Variants in USP54 observed in about 807,000 individuals in gnomAD.
USP54 encodes the protein ubiquitin carboxyl-terminal hydrolase 54.
A neutral mutation model predicts 170.5 loss-of-function variants in USP54; 87 were observed. The ratio of observed to expected loss-of-function variants is 0.51; its 90% CI spans 0.43 to 0.61. The LOEUF (loss-of-function observed/expected upper bound fraction) is 0.61, where lower values mean the gene tolerates loss of function less well. Ranked by LOEUF, USP54 falls within the 20% of genes least tolerant of loss-of-function variation. The probability of loss-of-function intolerance (pLI) is 0.00; values close to 1 mark genes in which losing one functional copy is unlikely to be tolerated. For synonymous variants in USP54, 655 were observed against 742.8 expected (o/e 0.88, Z 1.92); for missense variants, 1,786 against 2,047.8 (o/e 0.87, Z 2.47).
At chr10:73,511,472 C>T (rs992169307) in intron 20 of USP54, among the ~76,000 whole-genome samples, 1 of 151,634 alleles carries the variant, frequency 6.6e-6, no homozygotes, top group African/African-American at 2.4e-5. Flanking sequence ...CCAGCCTGGG[C>T]AACATGGTGA....
At chr10:73,525,252 A>G (rs1459814362) in intron 16 of USP54, among the ~76,000 whole-genome samples, 2 of 152,208 alleles carry the variant, frequency 1.3e-5, no homozygotes, top group African/African-American at 4.8e-5. Context: ...CAGATTATTG[A>G]ATTACTGGAC....
chr10:73,516,281 A>G (rs2061064922), intron 20 of USP54, 94 bp downstream of exon 20: 1 of 1,306,034 alleles, frequency 7.7e-7, no homozygotes, highest in African/African-American at 1.5e-5. Context: ...AGCTGGGGAT[A>G]GTATCTGTAT....
intron 7 of USP54, 140 bp downstream of exon 7, chr10:73,542,663 G>A (rs1170803095): frequency 1.1e-5 from 8 of 743,550 alleles, no homozygotes; most frequent in East Asian, 5.5e-5. Context: ...CCCAGGAGGC[G>A]GAGGTTGCAG....
At chr10:73,588,884 A>C (rs989872522) in intron 1 of USP54, among the ~76,000 whole-genome samples, 23 of 152,294 alleles carry the variant, frequency 1.5e-4, no homozygotes, top group African/African-American at 5.5e-4. Flanking sequence ...CACTGAGCAA[A>C]CCTATTTGAA....
At chr10:73,592,313 G>A (rs2078328639), upstream of USP54, among the ~76,000 whole-genome samples, 2 of 152,028 alleles carry the variant, frequency 1.3e-5, no homozygotes. Flanking sequence ...TCTATAGGTT[G>A]AGAGAAAATA....
intron 1 of USP54, among the ~76,000 whole-genome samples, chr10:73,601,158 G>A (rs1315743203): frequency 6.6e-6 from 1 of 152,062 alleles, no homozygotes; most frequent in Non-Finnish European, 1.5e-5. Context: ...TCATGTATAG[G>A]AGCTCTGAAA....
chr10:73,597,060 T>C (rs1018811318), intron 1 of USP54, among the ~76,000 whole-genome samples: 1 of 152,236 alleles, frequency 6.6e-6, no homozygotes, highest in Non-Finnish European at 1.5e-5. Flanking sequence ...AAACCACCTT[T>C]GCAAAAATTA....
At chr10:73,571,579 G>A (rs2075210834) in intron 3 of USP54, 66 bp from the exon 4 acceptor site, 1 of 1,331,466 alleles carries the variant, frequency 7.5e-7, no homozygotes, top group Non-Finnish European at 1.1e-6. Context: ...AAAGTAAAGA[G>A]TTCAAACAAA....
intron 1 of USP54, among the ~76,000 whole-genome samples, chr10:73,586,344 T>C (rs900698619): frequency 6.6e-6 from 1 of 152,188 alleles, no homozygotes; most frequent in Non-Finnish European, 1.5e-5. Context: ...CCCAGATCAT[T>C]CTCTCACCCT....
intron 1 of USP54, among the ~76,000 whole-genome samples, chr10:73,620,660 G>A (rs1020126330): frequency 1.3e-5 from 2 of 150,160 alleles, no homozygotes; most frequent in African/African-American, 5.1e-5. Flanking sequence ...TTTGGGGGCC[G>A]GGAGTGGTGG....
chr10:73,545,913 G>C (rs2067684625), intron 4 of USP54, among the ~76,000 whole-genome samples: 1 of 152,114 alleles, frequency 6.6e-6, no homozygotes, highest in Admixed American at 6.5e-5. Flanking sequence ...GACACATTAG[G>C]AGAAACCACT....
At chr10:73,623,739 T>C (rs2081264179) in intron 1 of USP54, among the ~76,000 whole-genome samples, 1 of 152,220 alleles carries the variant, frequency 6.6e-6, no homozygotes, top group South Asian at 2.1e-4. Flanking sequence ...TTCATGTTCA[T>C]ATATTGTGCT....
chr10:73,585,666 A>T (rs2077395853), intron 1 of USP54, among the ~76,000 whole-genome samples: 2 of 152,252 alleles, frequency 1.3e-5, no homozygotes, highest in Admixed American at 1.3e-4. Flanking sequence ...CATATCACTG[A>T]ATCATGTTCA....
intron 1 of USP54, among the ~76,000 whole-genome samples, chr10:73,621,566 C>T (rs2081093816): frequency 6.8e-6 from 1 of 147,790 alleles, no homozygotes; most frequent in Non-Finnish European, 1.5e-5. Context: ...CGCCACTGTA[C>T]TCCAGCCTGG....
At position 73,523,726 on chromosome 10, in the gene USP54, T is replaced by G. The variant is rs2062300051; in HGVS notation, c.2219A>C (p.Glu740Ala). Residue 740 changes from glutamate to alanine, a missense_variant, in exon 17 of 24, where the codon GAA (glutamate) becomes GCA (alanine). Physicochemically the swap from Glu to Ala is moderately radical, Grantham distance 107. Transcript: ENST00000687698. ...CACCTCTTCCTGCAATTCATCCAGT[T>G]CACTTTTAGAAGATATCTCCTCACC... is the stretch of plus-strand genomic sequence containing the variant. ...FSGEEISSKSELDELQEEVAR... is the reference protein window; with the variant it reads ...FSGEEISSKSALDELQEEVAR... 1 of 1,613,736 alleles carries G rather than the reference T, an allele frequency of 6.2e-7. No homozygotes were observed. The highest frequency in any genetic ancestry group is 2.2e-5 in the East Asian group (1 of 44,882).
intron 1 of USP54, among the ~76,000 whole-genome samples, chr10:73,620,863 TCAAA>T (rs2132356637): frequency 6.7e-6 from 1 of 148,630 alleles, no homozygotes; most frequent in East Asian, 2.0e-4. Flanking sequence ...AAACTCTGTC[TCAAA>T]CAAACAGGTC....
At chr10:73,550,545 A>G (rs2069019880) in intron 4 of USP54, among the ~76,000 whole-genome samples, 1 of 152,222 alleles carries the variant, frequency 6.6e-6, no homozygotes, top group Admixed American at 6.5e-5. Context: ...TATTGAGAAT[A>G]TAAGACATAA....
chr10:73,602,716 C>T (rs951278640), intron 1 of USP54, among the ~76,000 whole-genome samples: 12 of 151,642 alleles, frequency 7.9e-5, no homozygotes, highest in African/African-American at 1.9e-4. Context: ...ATTAGCCAGG[C>T]GTGGTGGTGT....
At chr10:73,541,558 C>G (rs1590190627) in intron 8 of USP54, 37 bp from the exon 9 acceptor site, 6 of 1,613,568 alleles carry the variant, frequency 3.7e-6, no homozygotes, top group Middle Eastern at 1.6e-4. Context: ...AACATGTTTC[C>G]CACTGGCTTT....
Sources: gnomAD v4.1 joint callset for allele counts (sites outside exome capture counted in the v4.1 genomes callset) on GRCh38, gnomAD v4.1.1 for gene constraint, MANE v1.5 for transcripts, NCBI Gene and HGNC (gene_info 2026-07-23, HGNC 2026-07-21) for gene names.